Variants in UNC13C observed in about 807,000 individuals in gnomAD.
The protein encoded by UNC13C is protein unc-13 homolog C.
Under a neutral mutation model 245.4 loss-of-function variants are expected in UNC13C, and 174 were observed. The ratio of observed to expected loss-of-function variants is 0.71; its 90% CI spans 0.63 to 0.80. The LOEUF (loss-of-function observed/expected upper bound fraction) is 0.80. Among genes scored for constraint, UNC13C ranks in the 30% least tolerant of loss-of-function variants. The pLI, the probability that UNC13C is intolerant of heterozygous loss-of-function variation, is 0.00. For missense variants in UNC13C, 2,829 were observed against 2,602.9 expected (o/e 1.09, Z -1.89); for synonymous variants, 992 against 895.1 (o/e 1.11, Z -1.93).
intron 19 of UNC13C, among the ~76,000 whole-genome samples, chr15:54,458,848 A>G (rs1438381636): frequency 2.0e-5 from 3 of 151,626 alleles, no homozygotes; most frequent in Non-Finnish European, 2.9e-5. Context: ...GTTTTTATCC[A>G]TTCTGCCATT....
chr15:54,502,472 T>G (rs900249677), intron 22 of UNC13C, among the ~76,000 whole-genome samples: 1 of 152,168 alleles, frequency 6.6e-6, no homozygotes, highest in African/African-American at 2.4e-5. Context: ...AATCATTTAT[T>G]TAAACCATTC....
intron 24 of UNC13C, among the ~76,000 whole-genome samples, chr15:54,520,329 A>G (rs1294447679): frequency 1.3e-5 from 2 of 152,206 alleles, no homozygotes; most frequent in African/African-American, 2.4e-5. Flanking sequence ...TAGGCCATTA[A>G]CCAAATCAGA....
intron 2 of UNC13C, among the ~76,000 whole-genome samples, chr15:54,042,868 A>G (rs1165838749): frequency 6.6e-6 from 1 of 151,794 alleles, no homozygotes; most frequent in East Asian, 2.0e-4. Context: ...AGAAAAAGAA[A>G]AAGAAAAAGA....
the UNC13C span, among the ~76,000 whole-genome samples, chr15:53,860,836 G>T: frequency 6.6e-6 from 1 of 152,064 alleles, no homozygotes; most frequent in African/African-American, 2.4e-5. Flanking sequence ...CAGGTCATCT[G>T]GACAATGTGC....
chr15:54,445,554 G>C (rs1398313474), intron 19 of UNC13C, among the ~76,000 whole-genome samples: 1 of 152,172 alleles, frequency 6.6e-6, no homozygotes, highest in Non-Finnish European at 1.5e-5. Flanking sequence ...CAGTGATGAT[G>C]AGCAATTTTT....
At chr15:54,044,324 C>G (rs747469076) in intron 2 of UNC13C, 1 of 220,982 alleles carries the variant, frequency 4.5e-6, no homozygotes, top group East Asian at 1.2e-4. Flanking sequence ...CCATTCATCC[C>G]TCTATATGCT....
chr15:53,950,427 ATT>A, the UNC13C span, among the ~76,000 whole-genome samples: 14 of 148,014 alleles, frequency 9.5e-5, no homozygotes, highest in Admixed American at 3.4e-4. Flanking sequence ...TAAAATAAAG[ATT>A]TTTTTTTTTT....
At chr15:53,857,746 C>G in the UNC13C span, among the ~76,000 whole-genome samples, 2 of 152,140 alleles carry the variant, frequency 1.3e-5, no homozygotes, top group Non-Finnish European at 2.9e-5. Flanking sequence ...TTCCATTTCT[C>G]TCTCAAATGT....
At chr15:54,551,065 C>T (rs1450701271) in intron 28 of UNC13C, among the ~76,000 whole-genome samples, 1 of 152,118 alleles carries the variant, frequency 6.6e-6, no homozygotes, top group South Asian at 2.1e-4. Context: ...AGGGAATTTA[C>T]TGCTACATGA....
In UNC13C at chr15:54,324,278, C is replaced by A. The variant is rs923349045; in HGVS notation, c.4425+2183C>A. Among the ~76,000 whole-genome samples, 8 of 152,034 alleles carry A rather than the reference C, an allele frequency of 5.3e-5. No individual in the cohort carries two copies. The East Asian group carries it at 5.8e-4, about 11-fold the overall frequency. ...TAACTGTTAAAGCTGATTCTGTCAT[C>A]TGGGACACATTGACAATTATATGCT... On this transcript the variant is annotated intron_variant, in intron 14 of 32. Coordinates refer to ENST00000260323, the MANE Select transcript of UNC13C (RefSeq NM_001080534.3).
At chr15:54,567,981 A>C in intron 30 of UNC13C, 34 bp downstream of exon 30, 2 of 1,397,644 alleles carry the variant, frequency 1.4e-6, no homozygotes, top group Non-Finnish European at 1.9e-6. Context: ...AATAAGGTAA[A>C]CTGAATACTA....
At chr15:53,930,217 A>G in the UNC13C span, among the ~76,000 whole-genome samples, 1 of 152,060 alleles carries the variant, frequency 6.6e-6, no homozygotes, top group South Asian at 2.1e-4. Flanking sequence ...CCCTTTCTTC[A>G]TGGCCTCTCT....
intron 2 of UNC13C, among the ~76,000 whole-genome samples, chr15:54,112,720 G>A (rs902380597): frequency 1.3e-5 from 2 of 152,156 alleles, no homozygotes; most frequent in Non-Finnish European, 2.9e-5. Context: ...TTTATAAAAA[G>A]GGAAACCTTA....
intron 17 of UNC13C, among the ~76,000 whole-genome samples, chr15:54,363,788 C>T (rs114566996): frequency 6.6e-6 from 1 of 152,028 alleles, no homozygotes; most frequent in African/African-American, 2.4e-5. Flanking sequence ...CAAAAATATG[C>T]CCTAGCTTTT....
intron 30 of UNC13C, among the ~76,000 whole-genome samples, chr15:54,616,314 C>T (rs937387832): frequency 6.6e-6 from 1 of 151,998 alleles, no homozygotes; most frequent in African/African-American, 2.4e-5. Flanking sequence ...GAGTTTGTGA[C>T]ATATACCAAT....
At chr15:54,196,600 C>G (rs142573386) in intron 4 of UNC13C, among the ~76,000 whole-genome samples, 130 of 152,218 alleles carry the variant, frequency 8.5e-4, no homozygotes, top group African/African-American at 3.0e-3. Flanking sequence ...TATTAACATC[C>G]AACAATTGTA....
At chr15:53,892,068 C>T in the UNC13C span, among the ~76,000 whole-genome samples, 2 of 152,150 alleles carry the variant, frequency 1.3e-5, no homozygotes, top group Non-Finnish European at 2.9e-5. Flanking sequence ...ACACCACCAC[C>T]AGGTGGTGAC....
chr15:53,890,165 G>A, the UNC13C span, among the ~76,000 whole-genome samples: 2 of 147,084 alleles, frequency 1.4e-5, no homozygotes, highest in Admixed American at 6.9e-5. Flanking sequence ...TTTTTGAGAC[G>A]GATTCTCACT....
At chr15:54,127,636 C>A (rs1375619782) in intron 2 of UNC13C, among the ~76,000 whole-genome samples, 1 of 150,854 alleles carries the variant, frequency 6.6e-6, no homozygotes, top group Non-Finnish European at 1.5e-5. Context: ...AGCAAACCAC[C>A]ATGACACATG....
Sources: allele counts gnomAD v4.1 joint callset (sites outside exome capture counted in the v4.1 genomes callset), GRCh38; gene constraint gnomAD v4.1.1; transcripts MANE v1.5; gene names NCBI Gene and HGNC (gene_info 2026-07-23, HGNC 2026-07-21).